Variants in PLCG2 observed in about 807,000 individuals in gnomAD.
PLCG2 encodes the protein phospholipase C gamma 2, also known as 1-phosphatidylinositol 4,5-bisphosphate phosphodiesterase gamma-2.
A neutral mutation model predicts 175.6 loss-of-function variants in PLCG2; 69 were observed. The observed-to-expected ratio is 0.39, with a 90% confidence interval of 0.32 to 0.48. The LOEUF is 0.48. Ranked by LOEUF, PLCG2 falls within the 20% of genes least tolerant of loss-of-function variation. PLCG2 has a pLI of 0.91. For missense variants in PLCG2, 1,798 were observed against 1,650.9 expected (o/e 1.09, Z -1.54); for synonymous variants, 827 against 624.0 (o/e 1.33, Z -4.85).
chr16:81,947,394 C>A (rs555075643), intron 31 of PLCG2, among the ~76,000 whole-genome samples: 171 of 152,176 alleles, frequency 1.1e-3, no homozygotes, highest in Non-Finnish European at 2.2e-3. Context: ...TGGTTCTGTG[C>A]CACTCACAGG....
chr16:81,954,122 A>C (rs1234955239), intron 31 of PLCG2, among the ~76,000 whole-genome samples: 1 of 152,086 alleles, frequency 6.6e-6, no homozygotes, highest in Non-Finnish European at 1.5e-5. Context: ...TCCTGGGCTC[A>C]TGTGATCTTA....
intron 2 of PLCG2, among the ~76,000 whole-genome samples, chr16:81,791,795 C>T (rs1911242556): frequency 6.6e-6 from 1 of 152,148 alleles, no homozygotes; most frequent in Non-Finnish European, 1.5e-5. Context: ...GAGCTCCTGA[C>T]CTCTCGTGAT....
intron 2 of PLCG2, among the ~76,000 whole-genome samples, chr16:81,770,768 C>T (rs1027620626): frequency 1.3e-5 from 2 of 151,986 alleles, no homozygotes; most frequent in Non-Finnish European, 2.9e-5. Context: ...CATAAAATGG[C>T]CCAGATCAGG....
chr16:81,930,039 TG>T (rs1417830449), intron 24 of PLCG2, among the ~76,000 whole-genome samples: 1 of 152,212 alleles, frequency 6.6e-6, no homozygotes, highest in Non-Finnish European at 1.5e-5. Context: ...GCCTCAGTTT[TG>T]CCTCCTGCAA....
chr16:81,763,828 G>A (rs914851986), intron 2 of PLCG2, among the ~76,000 whole-genome samples: 2 of 151,682 alleles, frequency 1.3e-5, no homozygotes, highest in African/African-American at 2.4e-5. Flanking sequence ...TTAGCTGGGC[G>A]TGGTGGCAGG....
At position 81,786,004 on chromosome 16, in the gene PLCG2, C is replaced by T. The variant is rs1567463011; in HGVS notation, c.15C>T (p.Val5=). MSTT[V]NVDSLAEYEK... The stretch of plus-strand genomic sequence containing the variant: ...AGCGGCCGACAATGTCCACCACGGT[C>T]AATGTAGATTCCCTTGCGGAATATG... The change falls in exon 2 of 33, where the codon GTC becomes GTT. Residue 5 remains valine (V), a synonymous_variant. Coordinates refer to ENST00000564138, the MANE Select transcript of PLCG2 (RefSeq NM_002661.5). The T allele has an allele frequency of 1.2e-6, 2 of 1,613,924 alleles. No individual in the cohort carries two copies. The highest frequency in any genetic ancestry group is 1.1e-5 in the South Asian group (1 of 91,046).
intron 2 of PLCG2, among the ~76,000 whole-genome samples, chr16:81,796,242 C>A (rs914305830): frequency 3.9e-5 from 6 of 152,230 alleles, no homozygotes; most frequent in Admixed American, 3.3e-4. Flanking sequence ...ACAGATGTGG[C>A]CCTCCCCTCC....
chr16:81,930,783 C>G lies in PLCG2; in HGVS notation c.2582-714C>G, dbSNP rs555017050. On this transcript the variant is annotated intron_variant, in intron 24 of 32. Transcript: ENST00000564138. ...AAAAAAGCCATTTAAATTATTTATT[C>G]TTTATATGTAAAAGATTATATGTAA... 1.8e-3 allele frequency among the ~76,000 whole-genome samples: 266 copies of G among 146,792 alleles called. 1 individual carries two copies. The highest frequency in any genetic ancestry group is 2.9e-3 in the Non-Finnish European group (193 of 66,850).
chr16:81,903,177 GA>G (rs1206422055), intron 14 of PLCG2, among the ~76,000 whole-genome samples: 2 of 152,228 alleles, frequency 1.3e-5, no homozygotes, highest in African/African-American at 4.8e-5. Flanking sequence ...AGAGAAGGGG[GA>G]TGTCCTTCCA....
intron 2 of PLCG2, among the ~76,000 whole-genome samples, chr16:81,834,476 C>T (rs68118517): frequency 0.12 from 18,388 of 152,082 alleles, 1,178 homozygotes; most frequent in Middle Eastern, 0.2. Flanking sequence ...CCTCAGTTTC[C>T]CCTTCTGCAA....
At position 81,891,385 on chromosome 16, in the gene PLCG2, C is replaced by G. The variant is rs1406006399; in HGVS notation, c.868-87C>G. ...GATTTCCCGCATCAGAGCTGTTCTT[C>G]CCCCCTGGTGGGCGCAGACCAGAAA... On this transcript the variant is annotated intron_variant, in intron 10 of 32. Transcript: ENST00000564138. 5 of 793,466 alleles carry G rather than the reference C, an allele frequency of 6.3e-6. No homozygotes were observed. In the East Asian group the frequency reaches 1.2e-4, roughly 19 times the overall value. 49.2% of individuals were successfully genotyped at this position (793,466 alleles called of 1,614,324 possible).
intron 24 of PLCG2, among the ~76,000 whole-genome samples, chr16:81,931,085 C>G (rs936309961): frequency 6.6e-6 from 1 of 151,724 alleles, no homozygotes. Context: ...TTTTCAGGTT[C>G]TCTCATGCAT....
At chr16:81,905,367 C>A (rs754032077) in intron 14 of PLCG2, 36 bp from the exon 15 acceptor site, 26 of 1,494,590 alleles carry the variant, frequency 1.7e-5, no homozygotes, top group Non-Finnish European at 7.4e-6. Flanking sequence ...ACTTGGGTCT[C>A]CATGGAGACA....
intron 2 of PLCG2, among the ~76,000 whole-genome samples, chr16:81,850,044 C>T (rs1238785673): frequency 6.6e-6 from 1 of 152,084 alleles, no homozygotes; most frequent in Non-Finnish European, 1.5e-5. Context: ...TTTAAAAAGT[C>T]AAAGGCACAA....
At chr16:81,874,820 G>A (rs1907687251) in intron 7 of PLCG2, among the ~76,000 whole-genome samples, 1 of 152,062 alleles carries the variant, frequency 6.6e-6, no homozygotes, top group Non-Finnish European at 1.5e-5. Flanking sequence ...GATAAGAAAT[G>A]TAATCTCACG....
intron 12 of PLCG2, among the ~76,000 whole-genome samples, chr16:81,894,116 G>A (rs1419819213): frequency 6.6e-6 from 1 of 152,006 alleles, no homozygotes; most frequent in South Asian, 2.1e-4. Context: ...GGATTGGGGG[G>A]TCTCTGAGCA....
chr16:81,761,547 C>T (rs539756536), intron 2 of PLCG2, among the ~76,000 whole-genome samples: 22 of 152,288 alleles, frequency 1.4e-4, no homozygotes, highest in African/African-American at 4.6e-4. Context: ...CCTCGGCTAG[C>T]CTTTCAAACT....
intron 24 of PLCG2, chr16:81,928,927 G>T (rs548067413): frequency 1.5e-5 from 5 of 325,198 alleles, no homozygotes; most frequent in Admixed American, 1.3e-4. Context: ...TGTTTCCCAT[G>T]CGTTGCGAAG....
At chr16:81,790,578 A>G (rs933025526) in intron 2 of PLCG2, among the ~76,000 whole-genome samples, 1 of 152,168 alleles carries the variant, frequency 6.6e-6, no homozygotes, top group Non-Finnish European at 1.5e-5. Flanking sequence ...GTTAGCAGGA[A>G]CTTGCTGGTT....
Sources: allele counts gnomAD v4.1 joint callset (sites outside exome capture counted in the v4.1 genomes callset), GRCh38; gene constraint gnomAD v4.1.1; transcripts MANE v1.5; gene names NCBI Gene and HGNC (gene_info 2026-07-23, HGNC 2026-07-21).